The following AHRR variants were observed in gnomAD, a reference collection of about 807,000 sequenced individuals.
AHRR encodes aryl hydrocarbon receptor repressor, also known as ahR repressor.
A neutral mutation model predicts 44.0 loss-of-function variants in AHRR; 28 were observed. The ratio of observed to expected loss-of-function variants is 0.64; its 90% CI spans 0.47 to 0.87. The LOEUF (loss-of-function observed/expected upper bound fraction) is 0.87. AHRR is among the 40% of genes least tolerant of loss of function. AHRR has a pLI of 0.00. For missense variants in AHRR, 990 were observed against 953.9 expected (o/e 1.04, Z -0.50); for synonymous variants, 434 against 407.0 (o/e 1.07, Z -0.80).
intron 1 of AHRR, among the ~76,000 whole-genome samples, chr5:324,026 TC>T (rs1560874478): frequency 3.5e-5 from 5 of 141,326 alleles, no homozygotes; most frequent in South Asian, 4.4e-4. Context: ...TTTCTTTCTC[TC>T]TCTCTCTCTG....
rs1386787900 is a variant in AHRR, at chr5:370,529, C to T, written c.245-6081C>T. 6.6e-6 allele frequency among the ~76,000 whole-genome samples: 1 copy of T among 152,122 alleles called. No individual in the cohort carries two copies. Among genetic ancestry groups the T allele is most frequent in the East Asian group, 1.9e-4 (1 of 5,180 alleles). ...TTTTCACCAAGGTCATCCGCCACCC[C>T]CAGGACCCTGAGAGTCTCACAGTGG... On this transcript the variant is annotated intron_variant, in intron 3 of 10. Transcript: ENST00000684583. The surrounding 1 kb of genome is among the most constrained non-coding windows in gnomAD (Gnocchi z 4.5).
chr5:416,634 T>G (rs570131681), intron 5 of AHRR, among the ~76,000 whole-genome samples: 14 of 152,346 alleles, frequency 9.2e-5, no homozygotes, highest in Middle Eastern at 3.4e-3. Flanking sequence ...CTCCATCTTC[T>G]GTGCTCAGAT....
rs35342079 is a variant in AHRR, at chr5:436,866, A to G, written c.*2032A>G. On this transcript the variant is annotated 3_prime_UTR_variant, in exon 11 of 11. Coordinates refer to ENST00000684583, the MANE Select transcript of AHRR (RefSeq NM_001377236.1). ...ACCAGGCACCTGAGGACTGGCGCCT[A>G]CTTCCCACTTTGGCCCTACACTGGC... 44,304 of 152,302 alleles carry G rather than the reference A, an allele frequency of 0.29. 8,545 individuals carry two copies. Among genetic ancestry groups the G allele is most frequent in the Non-Finnish European group, 0.43 (29,006 of 68,014 alleles). The allele number at this position is 152,302 out of a possible 1,614,324, so 9.4% of individuals were successfully genotyped here.
At chr5:369,184 G>A (rs530115323) in intron 3 of AHRR, among the ~76,000 whole-genome samples, 41 of 152,178 alleles carry the variant, frequency 2.7e-4, no homozygotes, top group Non-Finnish European at 4.3e-4. Flanking sequence ...CCCTCAGTGA[G>A]CACCTCGAAT....
In AHRR at chr5:328,348, A is replaced by G. The variant is rs550871532; in HGVS notation, c.-11+6529A>G. On this transcript the variant is annotated intron_variant, in intron 1 of 10. Transcript: ENST00000684583. ...AGTGGTGCAATCTCAGCTCACTGCA[A>G]CCTCTGCCTCCTGGGTTCAAGCAAT... Among the ~76,000 whole-genome samples, 3 of 135,184 alleles carry G rather than the reference A, an allele frequency of 2.2e-5. No individual in the cohort carries two copies. In the East Asian group the frequency reaches 6.7e-4, roughly 30 times the overall value. 88.7% of individuals were successfully genotyped at this position (135,184 alleles called of 152,430 possible).
At chr5:332,676 G>C (rs7718529) in intron 1 of AHRR, among the ~76,000 whole-genome samples, 1 of 152,194 alleles carries the variant, frequency 6.6e-6, no homozygotes, top group African/African-American at 2.4e-5. Context: ...TAATGTAAAT[G>C]TATGTGGAGG....
chr5:340,688 A>ATATATATATATATTTTTT (rs1269938749), intron 1 of AHRR, among the ~76,000 whole-genome samples: 2 of 12,926 alleles, frequency 1.5e-4, no homozygotes, highest in Non-Finnish European at 2.5e-4. Flanking sequence ...ATATATATAT[A>ATATATATATATATTTTTT]TTTTTTTTTT....
chr5:428,132 C>T (rs1224057697), intron 8 of AHRR, 126 bp downstream of exon 8: 22 of 1,132,214 alleles, frequency 1.9e-5, no homozygotes, highest in East Asian at 7.8e-5. Context: ...AGTTTCGTGT[C>T]GTAAAAGTCA....
intron 4 of AHRR, among the ~76,000 whole-genome samples, chr5:403,095 T>C (rs1735089004): frequency 6.6e-6 from 1 of 152,164 alleles, no homozygotes; most frequent in Non-Finnish European, 1.5e-5. Context: ...GGATCCACCT[T>C]GACGACTCTG....
At chr5:376,559 T>TGAACGCGG in intron 3 of AHRR, 51 bp from the exon 4 acceptor site, 1 of 241,104 alleles carries the variant, frequency 4.1e-6, no homozygotes, top group Non-Finnish European at 7.4e-6. Flanking sequence ...TGAAGAAGAG[T>TGAACGCGG]GGCCAGGCCA....
At chr5:391,119 G>T (rs907495672) in intron 4 of AHRR, among the ~76,000 whole-genome samples, 1 of 152,238 alleles carries the variant, frequency 6.6e-6, no homozygotes, top group African/African-American at 2.4e-5. Context: ...ATTCAACTGA[G>T]ACTTGGGGGC....
Position 428,009 on chromosome 5 carries a change from G to T in AHRR, c.908+3G>T. On this transcript the variant is annotated splice_donor_region_variant and intron_variant, in intron 8 of 10. Transcript: ENST00000684583. Reference sequence around the variant, plus strand: ...ACCGCAGCCACCGCGGATGCAAAGTGAGTAAGACTCGCCCTTCACAGCCAC... The same window carrying T: ...ACCGCAGCCACCGCGGATGCAAAGTTAGTAAGACTCGCCCTTCACAGCCAC... 6.2e-7 allele frequency: 1 copy of T among 1,613,284 alleles called. No homozygotes were observed. Among genetic ancestry groups the T allele is most frequent in the South Asian group, 1.1e-5 (1 of 90,930 alleles).
In AHRR at chr5:422,774, G is replaced by A. The variant is rs1736191978; in HGVS notation, c.487G>A (p.Asp163Asn). 1.2e-6 allele frequency: 2 copies of A among 1,614,092 alleles called. No homozygotes were observed. Among genetic ancestry groups the A allele is most frequent in the East Asian group, 2.2e-5 (1 of 44,880 alleles). ...CATTTATGACTACATCCACGTGGAC[G>A]ACCGCCAGGACTTCTGCCGGCAGCT... ...QNIYDYIHVDDRQDFCRQLHW... is the reference protein window; with the variant it reads ...QNIYDYIHVDNRQDFCRQLHW... Residue 163 changes from aspartate to asparagine, a missense_variant, in exon 6 of 11, where the codon GAC (aspartate) becomes AAC (asparagine). Transcript: ENST00000684583.
At chr5:365,827 GA>G (rs1420517013) in intron 3 of AHRR, among the ~76,000 whole-genome samples, 1 of 152,144 alleles carries the variant, frequency 6.6e-6, no homozygotes, top group Admixed American at 6.5e-5. Flanking sequence ...TAGAAAACCT[GA>G]ATGTCGTAGG....
rs527904305 is a variant in AHRR at position 338,064 on chromosome 5, G to C, written c.-10-5829G>C. On this transcript the variant is annotated intron_variant, in intron 1 of 10. Coordinates refer to ENST00000684583, the MANE Select transcript of AHRR (RefSeq NM_001377236.1). The surrounding 1 kb of genome is among the most constrained non-coding windows in gnomAD (Gnocchi z 4.1). The stretch of plus-strand genomic sequence containing the variant: ...GTAGCTGGCACAGCTTCTGAGTACT[G>C]TCACCTCACTTTGCGAATACATGTC... Among the ~76,000 whole-genome samples the C allele has an allele frequency of 3.9e-5, 6 of 152,274 alleles. No individual in the cohort carries two copies. The East Asian group carries it at 1.2e-3, about 29-fold the overall frequency.
At chr5:421,358 A>G (rs1286539979) in intron 5 of AHRR, 1 of 679,488 alleles carries the variant, frequency 1.5e-6, no homozygotes, top group African/African-American at 1.8e-5. Flanking sequence ...TCATCCCTCC[A>G]CGTGGAGTCC....
chr5:360,134 G>C (rs538395715), intron 3 of AHRR, among the ~76,000 whole-genome samples: 1 of 152,110 alleles, frequency 6.6e-6, no homozygotes, highest in African/African-American at 2.4e-5. Context: ...AGTGGGGGTG[G>C]GGGGTGGCCT....
At chr5:368,445 G>T (rs1477119702) in intron 3 of AHRR, among the ~76,000 whole-genome samples, 1 of 152,050 alleles carries the variant, frequency 6.6e-6, no homozygotes, top group Non-Finnish European at 1.5e-5. Context: ...AGTGTTTTGG[G>T]TTTTGTTTTA....
chr5:434,726 A>G lies in AHRR; in HGVS notation c.1986A>G (p.Ser662=), dbSNP rs1736921869. The G allele has an allele frequency of 5.7e-6, 9 of 1,571,786 alleles. No individual in the cohort carries two copies. Among genetic ancestry groups the G allele is most frequent in the Non-Finnish European group, 7.8e-6 (9 of 1,158,428 alleles). Residue 662 remains serine, a synonymous_variant, in exon 11 of 11, where the codon TCA becomes TCG. Coordinates refer to ENST00000684583, the MANE Select transcript of AHRR (RefSeq NM_001377236.1). ...TGGTCAAGCGGGAGCCCTTGGACTC[A>G]CCCCAGTGGGCTACTCACAGCCAGG... ...APVVKREPLD[S]PQWATHSQGM... is the part of the protein sequence containing the mutation.
Sources: gnomAD v4.1 joint callset for allele counts (sites outside exome capture counted in the v4.1 genomes callset) on GRCh38, gnomAD v4.1.1 for gene constraint, Gnocchi (gnomAD v3.1) non-coding constraint, MANE v1.5 for transcripts, NCBI Gene and HGNC (gene_info 2026-07-23, HGNC 2026-07-21) for gene names.